Variants in NAA25 observed in about 807,000 individuals in gnomAD.
NAA25 encodes N-terminal acetyltransferase B complex subunit NAA25.
Under a neutral mutation model 132.5 loss-of-function variants are expected in NAA25, and 30 were observed. That is an observed-to-expected ratio of 0.23 (90% CI 0.17 to 0.31). NAA25 has a LOEUF of 0.31. Among genes scored for constraint, NAA25 ranks in the 10% least tolerant of loss-of-function variants. The pLI, the probability that NAA25 is intolerant of heterozygous loss-of-function variation, is 1.00. For missense variants in NAA25, 771 were observed against 1,150.4 expected (o/e 0.67, Z 4.77); for synonymous variants, 359 against 401.9 (o/e 0.89, Z 1.28).
chr12:112,098,055 A>C (rs2079240026), intron 1 of NAA25, among the ~76,000 whole-genome samples: 1 of 132,060 alleles, frequency 7.6e-6, no homozygotes, highest in Non-Finnish European at 1.6e-5. Context: ...CGGGAGGCGG[A>C]GGTTGCAATG....
At chr12:112,052,138 C>T (rs1203755195) in intron 15 of NAA25, among the ~76,000 whole-genome samples, 6 of 151,944 alleles carry the variant, frequency 3.9e-5, no homozygotes, top group Non-Finnish European at 8.8e-5. Flanking sequence ...GAAACCAATC[C>T]TTTTGATTTT....
At chr12:112,090,956 T>A in intron 2 of NAA25, 92 bp from the exon 3 acceptor site, 1 of 1,256,818 alleles carries the variant, frequency 8.0e-7, no homozygotes. Flanking sequence ...AGTATTAAGT[T>A]ATGCCTAGGT....
At chr12:112,064,559 A>G (rs531535709) in intron 11 of NAA25, among the ~76,000 whole-genome samples, 62 of 152,210 alleles carry the variant, frequency 4.1e-4, no homozygotes, top group African/African-American at 1.4e-3. Flanking sequence ...AAATGCTTCT[A>G]TAGTTTCTAC....
chr12:112,036,815 T>C (rs1305116111), intron 22 of NAA25, among the ~76,000 whole-genome samples: 2 of 145,844 alleles, frequency 1.4e-5, no homozygotes, highest in East Asian at 2.0e-4. Context: ...CACTCCAGCC[T>C]GGGCAACAGA....
intron 13 of NAA25, 137 bp from the exon 14 acceptor site, chr12:112,054,705 T>A (rs982123206): frequency 2.6e-6 from 2 of 767,740 alleles, no homozygotes; most frequent in Non-Finnish European, 4.1e-6. Flanking sequence ...ATTTTAGATA[T>A]ACACCTGTAA....
chr12:112,072,940 A>G (rs2078836332), intron 9 of NAA25, among the ~76,000 whole-genome samples: 1 of 151,914 alleles, frequency 6.6e-6, no homozygotes, highest in Non-Finnish European at 1.5e-5. Flanking sequence ...CCCCATCTCA[A>G]AAAGAAAAAA....
intron 15 of NAA25, among the ~76,000 whole-genome samples, chr12:112,051,742 T>C (rs2078469871): frequency 6.6e-6 from 1 of 152,206 alleles, no homozygotes; most frequent in Non-Finnish European, 1.5e-5. Flanking sequence ...AAAAAAACTC[T>C]GAGGATGACA....
chr12:112,059,547 T>C (rs1015000700), intron 13 of NAA25, among the ~76,000 whole-genome samples: 3 of 152,228 alleles, frequency 2.0e-5, no homozygotes, highest in Non-Finnish European at 4.4e-5. Context: ...CCATGTCTTA[T>C]ATTTTTATCT....
chr12:112,051,633 A>C (rs1388480354), intron 15 of NAA25, among the ~76,000 whole-genome samples: 1 of 152,144 alleles, frequency 6.6e-6, no homozygotes, highest in Non-Finnish European at 1.5e-5. Context: ...CTGATCAATA[A>C]AATGCTATAA....
chr12:112,063,506 C>G (rs2078668033), intron 11 of NAA25, among the ~76,000 whole-genome samples: 1 of 152,158 alleles, frequency 6.6e-6, no homozygotes. Context: ...CAGGCTCCCA[C>G]CCTATACTCC....
intron 1 of NAA25, among the ~76,000 whole-genome samples, chr12:112,098,072 G>A (rs1372330712): frequency 2.3e-5 from 3 of 128,576 alleles, no homozygotes; most frequent in Non-Finnish European, 4.7e-5. Context: ...AATGAGCTGA[G>A]ATTGTGCCAC....
chr12:112,073,459 G>T (rs989282700), intron 9 of NAA25, among the ~76,000 whole-genome samples: 1 of 151,858 alleles, frequency 6.6e-6, no homozygotes, highest in Non-Finnish European at 1.5e-5. Context: ...TTTTTTGAGA[G>T]GGAGTCTTGC....
intron 1 of NAA25, 94 bp downstream of exon 1, chr12:112,108,618 CCGCG>C: frequency 8.3e-7 from 1 of 1,198,276 alleles, no homozygotes; most frequent in Non-Finnish European, 1.0e-6. Context: ...CCTGCCCGGC[CCGCG>C]CGCCGGCCCT....
intron 11 of NAA25, among the ~76,000 whole-genome samples, chr12:112,066,063 T>C (rs761298563): frequency 3.9e-5 from 6 of 152,216 alleles, no homozygotes; most frequent in African/African-American, 1.2e-4. Flanking sequence ...ACTGCTAGCA[T>C]TCCAGTAAGG....
chr12:112,026,862 TAA>T lies in NAA25; in HGVS notation c.*2667_*2668del, dbSNP rs1214434752. The T allele has an allele frequency of 6.6e-6, 1 of 152,384 alleles. No individual in the cohort carries two copies. Among genetic ancestry groups the T allele is most frequent in the African/African-American group, 2.4e-5 (1 of 41,446 alleles). 9.4% of individuals were successfully genotyped at this position (152,384 alleles called of 1,614,324 possible). Reference sequence around the variant, plus strand: ...GATACATTGAAACCCCTTTTTATATTAAAAGTTAAAATGAAAGACAAATCCAG... The same window carrying T: ...GATACATTGAAACCCCTTTTTATATTAAGTTAAAATGAAAGACAAATCCAG... On this transcript the variant is annotated 3_prime_UTR_variant, in exon 24 of 24. Transcript: ENST00000261745.
chr12:112,101,711 C>G (rs1305222203), intron 1 of NAA25, among the ~76,000 whole-genome samples: 2 of 151,662 alleles, frequency 1.3e-5, no homozygotes, highest in African/African-American at 4.8e-5. Flanking sequence ...GAGTGGAGAT[C>G]ACGCCATTGC....
At position 112,033,236 on chromosome 12, in the gene NAA25, T is replaced by G. The variant is rs142796616; in HGVS notation, c.2793A>C (p.Ser931=). 4.1e-5 allele frequency: 66 copies of G among 1,605,984 alleles called. No individual in the cohort carries two copies. In the Middle Eastern group the frequency reaches 6.7e-4, roughly 16 times the overall value. The change falls in exon 23 of 24, where the codon TCA becomes TCC. Residue 931 remains serine (S), a synonymous_variant. Transcript: ENST00000261745. ...EELILEDTSL[S]PEERKFSKTV... ...CCGATTGCCTACAATCTCTTACCGG[T>G]GAGAGAGAAGTGTCTTCTAAAATAA...
chr12:112,062,997 C>A (rs2078660382), intron 11 of NAA25, among the ~76,000 whole-genome samples: 1 of 151,358 alleles, frequency 6.6e-6, no homozygotes. Flanking sequence ...GAGTTTGAGC[C>A]TGCAGTGAGC....
intron 1 of NAA25, among the ~76,000 whole-genome samples, chr12:112,105,702 C>T (rs1665215145): frequency 6.6e-6 from 1 of 152,184 alleles, no homozygotes; most frequent in Admixed American, 6.5e-5. Flanking sequence ...CTTGGCAGTA[C>T]AAATACTGTT....
Sources: allele counts gnomAD v4.1 joint callset (sites outside exome capture counted in the v4.1 genomes callset), GRCh38; gene constraint gnomAD v4.1.1; transcripts MANE v1.5; gene names NCBI Gene and HGNC (gene_info 2026-07-23, HGNC 2026-07-21).